The following GSG1L variants were observed in gnomAD, a reference collection of about 807,000 sequenced individuals.
GSG1L encodes the protein GSG1 like, also known as germ cell-specific gene 1-like protein.
A neutral mutation model predicts 42.1 loss-of-function variants in GSG1L; 24 were observed. The observed-to-expected ratio is 0.57, with a 90% CI of 0.41 to 0.80. The LOEUF (loss-of-function observed/expected upper bound fraction) is 0.80, where lower values mean the gene tolerates loss of function less well. GSG1L is among the 30% of genes least tolerant of loss of function. GSG1L has a pLI of 0.00. For synonymous variants in GSG1L, 215 were observed against 203.5 expected (o/e 1.06, Z -0.48); for missense variants, 445 against 472.2 (o/e 0.94, Z 0.53).
intron 2 of GSG1L, among the ~76,000 whole-genome samples, chr16:27,942,040 G>C (rs921275392): frequency 2.0e-5 from 3 of 151,948 alleles, no homozygotes; most frequent in Non-Finnish European, 4.4e-5. Context: ...GATGGTTGCA[G>C]AGAATGTGGA....
intron 4 of GSG1L, among the ~76,000 whole-genome samples, chr16:27,832,758 C>A (rs1317305623): frequency 1.3e-5 from 2 of 152,140 alleles, no homozygotes; most frequent in Non-Finnish European, 2.9e-5. Context: ...ATCTGTGTAT[C>A]CTCTTTGACA....
chr16:27,954,838 T>C (rs2084987661), intron 2 of GSG1L, among the ~76,000 whole-genome samples: 1 of 152,136 alleles, frequency 6.6e-6, no homozygotes, highest in Admixed American at 6.6e-5. Flanking sequence ...TTTAAATTTT[T>C]CATAGAAACA....
intron 3 of GSG1L, among the ~76,000 whole-genome samples, chr16:27,879,421 T>C (rs180790776): frequency 2.6e-5 from 4 of 152,114 alleles, no homozygotes; most frequent in Admixed American, 2.6e-4. Context: ...CCTGGGCCAA[T>C]ATAGCAAGAC....
chr16:27,962,876 C>T (rs1399686396), intron 2 of GSG1L, among the ~76,000 whole-genome samples: 1 of 152,218 alleles, frequency 6.6e-6, no homozygotes, highest in Non-Finnish European at 1.5e-5. Flanking sequence ...CATCATCCCT[C>T]CCACAGTCCC....
intron 3 of GSG1L, among the ~76,000 whole-genome samples, chr16:27,856,303 T>C (rs967247335): frequency 6.6e-6 from 1 of 152,090 alleles, no homozygotes; most frequent in African/African-American, 2.4e-5. Flanking sequence ...TCTTCATGAA[T>C]GTTTTTGTTT....
At chr16:28,052,648 G>GC (rs1458694547) in intron 1 of GSG1L, among the ~76,000 whole-genome samples, 6 of 152,288 alleles carry the variant, frequency 3.9e-5, no homozygotes, top group Middle Eastern at 3.4e-3. Context: ...ATGAAGTAGA[G>GC]CCCCCCACTG....
intron 1 of GSG1L, among the ~76,000 whole-genome samples, chr16:28,027,401 C>A (rs1181775517): frequency 6.6e-6 from 1 of 152,162 alleles, no homozygotes; most frequent in African/African-American, 2.4e-5. Flanking sequence ...TCTAGGGTTG[C>A]AAGGCAGGTG....
chr16:28,042,162 G>A (rs141113145), intron 1 of GSG1L, among the ~76,000 whole-genome samples: 5 of 152,266 alleles, frequency 3.3e-5, no homozygotes, highest in East Asian at 3.9e-4. Context: ...TGGGCTGGGC[G>A]CAGTGGTTCG....
rs1307592190 is a variant in GSG1L at position 28,063,231 on chromosome 16, G to A, written c.194C>T (p.Ala65Val). 2 of 1,260,686 alleles carry A rather than the reference G, an allele frequency of 1.6e-6. No individual in the cohort carries two copies. The highest frequency in any genetic ancestry group is 2.0e-6 in the Non-Finnish European group (2 of 1,007,534). 78.1% of individuals were successfully genotyped at this position (1,260,686 alleles called of 1,614,324 possible). ...SGANATANGT[A>V]APAAAAAAAT... is the part of the protein sequence containing the mutation. ...GGCGGCGGCGGCGGCGGCGGGGGCG[G>A]CGGTGCCGTTGGCCGTGGCGTTGGC... is the stretch of plus-strand genomic sequence containing the variant. The change falls in exon 1 of 7, where the codon GCC becomes GTC. Residue 65 changes from alanine to valine, a missense_variant. Ala to Val is a moderately conservative substitution (Grantham distance 64). Coordinates refer to ENST00000447459, the MANE Select transcript of GSG1L (RefSeq NM_001109763.2). The surrounding 1 kb of genome is among the most constrained non-coding windows in gnomAD (Gnocchi z 5.8).
At position 27,922,000 on chromosome 16, in the gene GSG1L, C is replaced by CTT. The variant is rs5816454; in HGVS notation, c.398-37364_398-37363dup. ...TATTGTTGTTGTTGTTGTTTGTTGT[C>CTT]TTTTTTTTTTTTTTTGGCTTCCTGA... On this transcript the variant is annotated intron_variant, in intron 2 of 6. Transcript: ENST00000447459. Among the ~76,000 whole-genome samples the CTT allele has an allele frequency of 9.9e-3, 1,320 of 133,586 alleles. 19 individuals carry two copies. The highest frequency in any genetic ancestry group is 0.023 in the African/African-American group (823 of 36,098). The allele number at this position is 133,586 out of a possible 152,430, so 87.6% of individuals were successfully genotyped here.
At chr16:28,003,194 C>T (rs941929443) in intron 1 of GSG1L, among the ~76,000 whole-genome samples, 13 of 152,202 alleles carry the variant, frequency 8.5e-5, no homozygotes, top group African/African-American at 3.1e-4. Flanking sequence ...CAGACGAGCA[C>T]TGTGATCTGA....
chr16:27,943,954 G>A (rs1207672537), intron 2 of GSG1L, among the ~76,000 whole-genome samples: 1 of 152,124 alleles, frequency 6.6e-6, no homozygotes, highest in Non-Finnish European at 1.5e-5. Context: ...TAGACCATAC[G>A]TAAAGGAGTG....
intron 1 of GSG1L, among the ~76,000 whole-genome samples, chr16:28,037,502 G>T (rs1019629152): frequency 3.3e-5 from 5 of 152,086 alleles, no homozygotes; most frequent in African/African-American, 1.2e-4. Context: ...AATGCTTCAG[G>T]TGGTCCCCTA....
rs529010346 is a variant in GSG1L at position 27,804,699 on chromosome 16, AG to A, written c.898+2787del. Among the ~76,000 whole-genome samples, 85 of 53,208 alleles carry A rather than the reference AG, an allele frequency of 1.6e-3. 2 individuals carry two copies. The Middle Eastern group carries it at 0.05, about 31-fold the overall frequency. The allele number at this position is 53,208 out of a possible 152,430, so 34.9% of individuals were successfully genotyped here. A position where few individuals can be genotyped will look rare whatever the true frequency, so the allele number is the denominator to read the frequency against. On this transcript the variant is annotated intron_variant, in intron 6 of 6. Coordinates refer to ENST00000447459, the MANE Select transcript of GSG1L (RefSeq NM_001109763.2). The stretch of plus-strand genomic sequence containing the variant: ...TTCTTTCACAAGGAGATGCTGCTTG[AG>A]GGGGCACTAGGCATCAGGGCAGGGG...
Position 27,938,527 on chromosome 16 carries a change from T to C in GSG1L, c.397+24629A>G, listed in dbSNP as rs562863983. The stretch of plus-strand genomic sequence containing the variant: ...GAGCCTTGAGAGCCACAGGAGCAGA[T>C]GCCCTGCTGGAGAAGGAGATTTCCA... On this transcript the variant is annotated intron_variant, in intron 2 of 6. Coordinates refer to ENST00000447459, the MANE Select transcript of GSG1L (RefSeq NM_001109763.2). 1.4e-3 allele frequency among the ~76,000 whole-genome samples: 211 copies of C among 152,122 alleles called. 2 individuals carry two copies. The highest frequency in any genetic ancestry group is 3.4e-3 in the Middle Eastern group (1 of 294).
intron 3 of GSG1L, among the ~76,000 whole-genome samples, chr16:27,866,356 T>G (rs59298301): frequency 0.017 from 2,532 of 152,304 alleles, 65 homozygotes; most frequent in African/African-American, 0.058. Context: ...CATGTATCAA[T>G]CACTGTGCTG....
intron 1 of GSG1L, among the ~76,000 whole-genome samples, chr16:28,018,506 C>G (rs917037714): frequency 5.9e-5 from 9 of 152,210 alleles, no homozygotes; most frequent in African/African-American, 2.2e-4. Context: ...TCCCCAAAAG[C>G]CCCCAGCAGA....
chr16:27,937,662 C>G (rs2084734079), intron 2 of GSG1L, among the ~76,000 whole-genome samples: 1 of 152,194 alleles, frequency 6.6e-6, no homozygotes, highest in African/African-American at 2.4e-5. Context: ...GGAGCACTTC[C>G]TAAGTCCTTG....
At chr16:28,017,603 T>C (rs1238798953) in intron 1 of GSG1L, among the ~76,000 whole-genome samples, 1 of 152,122 alleles carries the variant, frequency 6.6e-6, no homozygotes, top group Admixed American at 6.6e-5. Flanking sequence ...ATACACAACC[T>C]GCAAGAGAGC....
Sources: gnomAD v4.1 joint callset for allele counts (sites outside exome capture counted in the v4.1 genomes callset) on GRCh38, gnomAD v4.1.1 for gene constraint, Gnocchi (gnomAD v3.1) non-coding constraint, MANE v1.5 for transcripts, NCBI Gene and HGNC (gene_info 2026-07-23, HGNC 2026-07-21) for gene names.